The following PDE8A variants were observed in gnomAD, a reference collection of about 807,000 sequenced individuals.
PDE8A encodes high affinity cAMP-specific and IBMX-insensitive 3',5'-cyclic phosphodiesterase 8A.
PDE8A carries 59 observed loss-of-function variants against 105.0 expected under a neutral mutation model. The observed-to-expected ratio is 0.56, with a 90% CI of 0.46 to 0.70. The LOEUF (loss-of-function observed/expected upper bound fraction) is 0.70, where lower values mean the gene tolerates loss of function less well. Among genes scored for constraint, PDE8A ranks in the 30% least tolerant of loss-of-function variants. The pLI, the probability that PDE8A is intolerant of heterozygous loss-of-function variation, is 0.00. For synonymous variants in PDE8A, 355 were observed against 371.9 expected (o/e 0.95, Z 0.52); for missense variants, 1,014 against 1,045.9 (o/e 0.97, Z 0.42).
chr15:85,041,018 G>T (rs1477129701), intron 1 of PDE8A, among the ~76,000 whole-genome samples: 1 of 152,022 alleles, frequency 6.6e-6, no homozygotes, highest in African/African-American at 2.4e-5. Context: ...CATAACCCTA[G>T]ACAGACATCT....
chr15:85,137,982 T>C lies in PDE8A; in HGVS notation c.*79T>C, dbSNP rs2082439752. 1 of 868,238 alleles carries C rather than the reference T, an allele frequency of 1.2e-6. No individual in the cohort carries two copies. The highest frequency in any genetic ancestry group is 1.9e-5 in the Admixed American group (1 of 51,986). 53.8% of individuals were successfully genotyped at this position (868,238 alleles called of 1,614,324 possible). On this transcript the variant is annotated 3_prime_UTR_variant, in exon 22 of 22. Coordinates refer to ENST00000394553, the MANE Select transcript of PDE8A (RefSeq NM_002605.3). ...CCTGAGGGCAGCCAGAGCTCCTTGG[T>C]CCTTTCAGTACTAGGCAGAACAGCC...
chr15:84,995,047 G>A (rs2079952858), intron 1 of PDE8A, among the ~76,000 whole-genome samples: 1 of 151,854 alleles, frequency 6.6e-6, no homozygotes, highest in South Asian at 2.1e-4. Flanking sequence ...TTTGATATTT[G>A]CTTAGGTTTT....
intron 12 of PDE8A, among the ~76,000 whole-genome samples, chr15:85,112,330 A>C (rs1236515136): frequency 6.6e-6 from 1 of 152,122 alleles, no homozygotes; most frequent in Non-Finnish European, 1.5e-5. Context: ...ACCTTTAGCA[A>C]TTTTCAAGAA....
chr15:85,015,373 G>A (rs1304159104), intron 1 of PDE8A, among the ~76,000 whole-genome samples: 2 of 151,760 alleles, frequency 1.3e-5, no homozygotes, highest in African/African-American at 2.4e-5. Context: ...ACCACATCAC[G>A]CCTGGCTAAT....
upstream of PDE8A, among the ~76,000 whole-genome samples, chr15:84,980,864 G>A (rs760805579): frequency 6.6e-6 from 1 of 152,200 alleles, no homozygotes; most frequent in African/African-American, 2.4e-5. Flanking sequence ...CAGCCTGCCC[G>A]GTGCTGTAGC....
intron 1 of PDE8A, among the ~76,000 whole-genome samples, chr15:85,000,789 A>G (rs140647564): frequency 4.7e-4 from 71 of 152,182 alleles, no homozygotes; most frequent in African/African-American, 1.5e-3. Flanking sequence ...TTTCTTTACC[A>G]CTGTAGAGCC....
chr15:85,111,062 T>C (rs2082014097), intron 12 of PDE8A, among the ~76,000 whole-genome samples: 1 of 152,228 alleles, frequency 6.6e-6, no homozygotes, highest in Non-Finnish European at 1.5e-5. Context: ...TTTTGCCCAT[T>C]TTTATAATTG....
intron 1 of PDE8A, among the ~76,000 whole-genome samples, chr15:84,994,656 T>C (rs2079945929): frequency 6.6e-6 from 1 of 152,222 alleles, no homozygotes; most frequent in Non-Finnish European, 1.5e-5. Context: ...TCCTTTTTCT[T>C]TGATATATTT....
At chr15:85,006,901 T>A (rs1023305630) in intron 1 of PDE8A, among the ~76,000 whole-genome samples, 3 of 152,116 alleles carry the variant, frequency 2.0e-5, no homozygotes, top group Admixed American at 6.6e-5. Context: ...GACTAGTCCC[T>A]ACGAAGAGGA....
intron 1 of PDE8A, among the ~76,000 whole-genome samples, chr15:85,057,351 G>A (rs1229612888): frequency 2.0e-5 from 3 of 152,190 alleles, no homozygotes; most frequent in African/African-American, 4.8e-5. Context: ...AGACAGGGAC[G>A]TTTAAGTCTG....
intron 11 of PDE8A, among the ~76,000 whole-genome samples, chr15:85,107,412 T>C (rs1269673302): frequency 6.6e-6 from 1 of 152,206 alleles, no homozygotes; most frequent in Non-Finnish European, 1.5e-5. Flanking sequence ...TTTACAACGA[T>C]CGCTTGGCTG....
At chr15:84,994,392 A>C (rs2079941200) in intron 1 of PDE8A, among the ~76,000 whole-genome samples, 1 of 152,232 alleles carries the variant, frequency 6.6e-6, no homozygotes, top group South Asian at 2.1e-4. Context: ...CAGCTTGATG[A>C]ATTTTCCTCA....
At chr15:85,060,395 C>T (rs878926439) in intron 1 of PDE8A, among the ~76,000 whole-genome samples, 1 of 152,064 alleles carries the variant, frequency 6.6e-6, no homozygotes, top group Admixed American at 6.6e-5. Context: ...GTGGGTTCCA[C>T]GTCCATGGAT....
Position 84,982,000 on chromosome 15 carries a change from C to G in PDE8A, c.-163C>G. 1 of 332,194 alleles carries G rather than the reference C, an allele frequency of 3.0e-6. No homozygotes were observed. The highest frequency in any genetic ancestry group is 5.2e-6 in the Non-Finnish European group (1 of 191,556). The allele number at this position is 332,194 out of a possible 1,614,324, so 20.6% of individuals were successfully genotyped here. ...CGCCGCCGCCGCAGCGCCCGCACCGCGATAAAAGGGGCGGCCGCGTTTCCT... is the reference window on the plus strand; with the variant it reads ...CGCCGCCGCCGCAGCGCCCGCACCGGGATAAAAGGGGCGGCCGCGTTTCCT... On this transcript the variant is annotated 5_prime_UTR_variant, in exon 1 of 22. Transcript: ENST00000394553.
chr15:85,034,180 G>A (rs983096888), intron 1 of PDE8A, among the ~76,000 whole-genome samples: 3 of 152,206 alleles, frequency 2.0e-5, no homozygotes, highest in African/African-American at 7.2e-5. Context: ...TGGAGCAACA[G>A]TGAGAAACTC....
chr15:85,076,671 A>T, intron 4 of PDE8A, 62 bp from the exon 5 acceptor site: 1 of 966,452 alleles, frequency 1.0e-6, no homozygotes, highest in Non-Finnish European at 1.7e-6. Flanking sequence ...TTAGTAGAGT[A>T]AAAGAGGTGA....
At chr15:85,091,901 C>CTTT (rs563631633) in intron 8 of PDE8A, among the ~76,000 whole-genome samples, 2,616 of 88,316 alleles carry the variant, frequency 0.03, 211 homozygotes, top group African/African-American at 0.1. Flanking sequence ...TTCTGCTGGA[C>CTTT]TTTTTTTTTT....
intron 1 of PDE8A, among the ~76,000 whole-genome samples, chr15:84,996,780 C>T (rs926535711): frequency 3.6e-5 from 5 of 138,012 alleles, no homozygotes; most frequent in Admixed American, 7.6e-5. Context: ...GAGCCGAGAT[C>T]GCACCACTGC....
intron 1 of PDE8A, among the ~76,000 whole-genome samples, chr15:85,046,484 T>A (rs1436192012): frequency 1.3e-5 from 2 of 152,246 alleles, no homozygotes; most frequent in African/African-American, 2.4e-5. Flanking sequence ...TTTAAAAAGA[T>A]TAGCTGTTGA....
Sources: gnomAD v4.1 joint callset for allele counts (sites outside exome capture counted in the v4.1 genomes callset) on GRCh38, gnomAD v4.1.1 for gene constraint, MANE v1.5 for transcripts, NCBI Gene and HGNC (gene_info 2026-07-23, HGNC 2026-07-21) for gene names.